The following LPP variants were observed in gnomAD, a reference collection of about 807,000 sequenced individuals.
LPP encodes lipoma-preferred partner.
A neutral mutation model predicts 60.4 loss-of-function variants in LPP; 38 were observed. The ratio of observed to expected loss-of-function variants is 0.63; its 90% CI spans 0.49 to 0.83. The LOEUF is 0.83. Ranked by LOEUF, LPP falls within the 40% of genes least tolerant of loss-of-function variation. The probability of loss-of-function intolerance (pLI) is 0.00; values close to 1 mark genes in which losing one functional copy is unlikely to be tolerated. For synonymous variants in LPP, 328 were observed against 290.8 expected (o/e 1.13, Z -1.30); for missense variants, 902 against 783.6 (o/e 1.15, Z -1.80).
At chr3:188,345,134 T>C (rs1249022618) in intron 3 of LPP, among the ~76,000 whole-genome samples, 1 of 152,236 alleles carries the variant, frequency 6.6e-6, no homozygotes, top group African/African-American at 2.4e-5. Flanking sequence ...TCTGACTACA[T>C]AGTTGTATCT....
At chr3:188,731,145 A>T (rs1223505302) in intron 8 of LPP, among the ~76,000 whole-genome samples, 2 of 152,220 alleles carry the variant, frequency 1.3e-5, no homozygotes, top group African/African-American at 4.8e-5. Context: ...TGCCTGTGAC[A>T]GTGCTCTTCT....
chr3:188,628,857 C>A (rs1847340159), intron 7 of LPP, among the ~76,000 whole-genome samples: 6 of 152,072 alleles, frequency 3.9e-5, no homozygotes, highest in Admixed American at 3.9e-4. Context: ...AAATCTTCAA[C>A]AAAATACTAG....
intron 2 of LPP, among the ~76,000 whole-genome samples, chr3:188,276,673 C>CTCTCTCTCTCTCTCTCTCTCTT: frequency 2.5e-5 from 1 of 39,864 alleles, no homozygotes; most frequent in South Asian, 7.5e-4. Flanking sequence ...AACTCTGTCT[C>CTCTCTCTCTCTCTCTCTCTCTT]TCTCTCTCTC....
At chr3:188,330,711 G>A (rs1759783275) in intron 2 of LPP, among the ~76,000 whole-genome samples, 1 of 152,124 alleles carries the variant, frequency 6.6e-6, no homozygotes, top group Non-Finnish European at 1.5e-5. Flanking sequence ...AACTACTCAG[G>A]AGGCTGAGGT....
intron 4 of LPP, chr3:188,472,549 A>G (rs1336672698): frequency 3.3e-5 from 5 of 152,206 alleles, no homozygotes; most frequent in African/African-American, 9.6e-5. Context: ...TTATATAAAT[A>G]GTAACAAGAA....
At chr3:188,850,584 A>G (rs893343084) in intron 9 of LPP, among the ~76,000 whole-genome samples, 2 of 152,326 alleles carry the variant, frequency 1.3e-5, no homozygotes, top group Middle Eastern at 3.4e-3. Context: ...ATACAAGTAC[A>G]TCATATAAAT....
chr3:188,742,959 G>A (rs1051559896), intron 8 of LPP, among the ~76,000 whole-genome samples: 1 of 152,144 alleles, frequency 6.6e-6, no homozygotes, highest in African/African-American at 2.4e-5. Flanking sequence ...TGTCCTAATG[G>A]ATCCTCTACA....
At chr3:188,250,877 A>ACT (rs202012334) in intron 2 of LPP, among the ~76,000 whole-genome samples, 1 of 63,828 alleles carries the variant, frequency 1.6e-5, no homozygotes, top group Non-Finnish European at 3.3e-5. Flanking sequence ...TTTTTCTTTC[A>ACT]CTCTCTCTCT....
At chr3:188,516,263 T>G (rs964562764) in intron 5 of LPP, among the ~76,000 whole-genome samples, 1 of 152,172 alleles carries the variant, frequency 6.6e-6, no homozygotes, top group Non-Finnish European at 1.5e-5. Flanking sequence ...TTTCCCTAAC[T>G]TACAACAGTT....
intron 1 of LPP, among the ~76,000 whole-genome samples, chr3:188,188,160 G>A (rs1011986561): frequency 1.3e-5 from 2 of 152,182 alleles, no homozygotes; most frequent in Non-Finnish European, 2.9e-5. Context: ...TGGAAAGCCT[G>A]TGTCATCATC....
intron 9 of LPP, among the ~76,000 whole-genome samples, chr3:188,801,522 T>C (rs910849864): frequency 2.0e-5 from 3 of 152,192 alleles, no homozygotes; most frequent in Non-Finnish European, 4.4e-5. Context: ...ATCTGAGAAC[T>C]CCTCTGACTC....
At chr3:188,418,482 C>CATATT (rs1786926813) in intron 4 of LPP, among the ~76,000 whole-genome samples, 1 of 152,138 alleles carries the variant, frequency 6.6e-6, no homozygotes, top group Non-Finnish European at 1.5e-5. Context: ...AAATAACTAG[C>CATATT]ATATTGCAAA....
chr3:188,698,214 A>G (rs1863690462), intron 7 of LPP, among the ~76,000 whole-genome samples: 1 of 152,202 alleles, frequency 6.6e-6, no homozygotes, highest in African/African-American at 2.4e-5. Flanking sequence ...CATGTGGGGC[A>G]CAGCAAAGGC....
At chr3:188,623,769 C>A (rs544668253) in intron 7 of LPP, among the ~76,000 whole-genome samples, 1 of 152,296 alleles carries the variant, frequency 6.6e-6, no homozygotes, top group African/African-American at 2.4e-5. Flanking sequence ...ACCTAGTTAT[C>A]TTTTATCTTG....
intron 2 of LPP, chr3:188,240,041 G>C (rs1723376375): frequency 5.1e-6 from 1 of 197,212 alleles, no homozygotes; most frequent in African/African-American, 2.3e-5. Flanking sequence ...AATAGAGATG[G>C]GACTTGAGCA....
At chr3:188,155,391 T>C (rs764876592) in intron 1 of LPP, among the ~76,000 whole-genome samples, 52 of 152,242 alleles carry the variant, frequency 3.4e-4, no homozygotes, top group Admixed American at 6.5e-5. Flanking sequence ...TTGCCTTTCC[T>C]GTAAAATTCA....
intron 1 of LPP, among the ~76,000 whole-genome samples, chr3:188,176,440 C>T (rs916852006): frequency 2.0e-5 from 3 of 152,082 alleles, no homozygotes; most frequent in Admixed American, 6.6e-5. Flanking sequence ...TCAGGCACCC[C>T]GACTCACAGA....
intron 2 of LPP, among the ~76,000 whole-genome samples, chr3:188,317,145 C>T (rs760925696): frequency 4.6e-5 from 7 of 152,140 alleles, no homozygotes; most frequent in East Asian, 1.9e-4. Context: ...ATGATGACGA[C>T]GATGAGTCTT....
At position 188,435,041 on chromosome 3, in the gene LPP, C is replaced by T. The variant is rs146541286; in HGVS notation, c.193+28728C>T. Among the ~76,000 whole-genome samples the T allele has an allele frequency of 6.6e-4, 100 of 151,832 alleles. 1 individual carries two copies. The East Asian group carries it at 8.3e-3, about 13-fold the overall frequency. ...ACCATGCGCACATATAAACATAATT[C>T]GAAGAAAATATATAATTTGTTAAAC... is the stretch of plus-strand genomic sequence containing the variant. On this transcript the variant is annotated intron_variant, in intron 4 of 11. Coordinates refer to ENST00000617246, the MANE Select transcript of LPP (RefSeq NM_001375462.1).
Sources: gnomAD v4.1 joint callset for allele counts (sites outside exome capture counted in the v4.1 genomes callset) on GRCh38, gnomAD v4.1.1 for gene constraint, MANE v1.5 for transcripts, NCBI Gene and HGNC (gene_info 2026-07-23, HGNC 2026-07-21) for gene names.